Variants in PRKCZ observed in about 807,000 individuals in gnomAD.
PRKCZ encodes the protein protein kinase C zeta, also known as protein kinase C zeta type.
Under a neutral mutation model 79.5 loss-of-function variants are expected in PRKCZ, and 33 were observed. That is an observed-to-expected ratio of 0.41 (90% CI 0.31 to 0.55). PRKCZ has a LOEUF of 0.55. Ranked by LOEUF, PRKCZ falls within the 20% of genes least tolerant of loss-of-function variation. The probability of loss-of-function intolerance (pLI) is 0.19; values close to 1 mark genes in which losing one functional copy is unlikely to be tolerated. For synonymous variants in PRKCZ, 342 were observed against 320.9 expected (o/e 1.07, Z -0.70); for missense variants, 578 against 813.5 (o/e 0.71, Z 3.52).
chr1:2,171,877 C>T (rs1362791591), intron 11 of PRKCZ, among the ~76,000 whole-genome samples, 178 bp from the exon 12 acceptor site: 1 of 152,194 alleles, frequency 6.6e-6, no homozygotes, highest in Non-Finnish European at 1.5e-5. Context: ...TGTCCTGGAG[C>T]TTTCATTGGC....
At chr1:2,142,654 G>A (rs1335000252) in intron 5 of PRKCZ, 1 of 176,680 alleles carries the variant, frequency 5.7e-6, no homozygotes, top group Admixed American at 5.8e-5. Context: ...TAGGTAGCAT[G>A]TGCAGAGGAT....
chr1:2,050,526 A>G lies in PRKCZ; in HGVS notation c.-105A>G, dbSNP rs1165970376. On this transcript the variant is annotated 5_prime_UTR_variant, in exon 1 of 18. Coordinates refer to ENST00000378567, the MANE Select transcript of PRKCZ (RefSeq NM_002744.6). ...GACCGGGTCGGCGCCGTCGGTCCTG[A>G]GCGCTGCCTTCCGCGTTCCGCCGCG... The G allele has an allele frequency of 1.3e-5, 9 of 691,568 alleles. No homozygotes were observed. In the East Asian group the frequency reaches 1.6e-4, roughly 12 times the overall value. 42.8% of individuals were successfully genotyped at this position (691,568 alleles called of 1,614,324 possible). A position where few individuals can be genotyped will look rare whatever the true frequency, so the allele number is the denominator to read the frequency against.
At chr1:2,076,292 C>T (rs1425759089) in intron 4 of PRKCZ, among the ~76,000 whole-genome samples, 1 of 152,230 alleles carries the variant, frequency 6.6e-6, no homozygotes, top group African/African-American at 2.4e-5. Flanking sequence ...ACCTCCCTCA[C>T]ATGGCAGGGG....
intron 16 of PRKCZ, among the ~76,000 whole-genome samples, chr1:2,181,380 T>A (rs549466040): frequency 6.6e-6 from 1 of 152,338 alleles, no homozygotes; most frequent in African/African-American, 2.4e-5. Flanking sequence ...CCCTGTTGTA[T>A]CTCAGGTCAC....
rs867628668 is a variant in PRKCZ at position 2,123,295 on chromosome 1, A to G, written c.335-11967A>G. ...TCGTGGTGGTTAGGGTCACGGTGGT[A>G]GTTAGGGTCACGGTGGTGGTTAGGG... On this transcript the variant is annotated intron_variant, in intron 4 of 17. Coordinates refer to ENST00000378567, the MANE Select transcript of PRKCZ (RefSeq NM_002744.6). Among the ~76,000 whole-genome samples, 18 of 6,510 alleles carry G rather than the reference A, an allele frequency of 2.8e-3. 3 individuals carry two copies. Among genetic ancestry groups the G allele is most frequent in the East Asian group, 9.9e-3 (2 of 202 alleles). 4.3% of individuals were successfully genotyped at this position (6,510 alleles called of 152,430 possible).
At chr1:2,167,276 C>T (rs895293563) in intron 10 of PRKCZ, among the ~76,000 whole-genome samples, 8 of 152,268 alleles carry the variant, frequency 5.3e-5, no homozygotes, top group Non-Finnish European at 8.8e-5. Flanking sequence ...TCCGCCTCTA[C>T]CTCTCTAAGT....
chr1:2,128,937 A>G lies in PRKCZ; in HGVS notation c.335-6325A>G, dbSNP rs1232828214. Among the ~76,000 whole-genome samples the G allele has an allele frequency of 6.6e-6, 1 of 152,162 alleles. No individual in the cohort carries two copies. The highest frequency in any genetic ancestry group is 1.5e-5 in the Non-Finnish European group (1 of 68,034). ...GGGCCGTTTCCAGAGCACACTCCCC[A>G]GAAGGGCTCCCTTCTCCTTTTCACA... is the stretch of plus-strand genomic sequence containing the variant. On this transcript the variant is annotated intron_variant, in intron 4 of 17. Transcript: ENST00000378567. This position sits in a 1 kb window ranked among gnomAD's most constrained non-coding sequence, Gnocchi z 6.5.
chr1:2,130,053 C>G (rs1674655891), intron 4 of PRKCZ, among the ~76,000 whole-genome samples: 1 of 152,112 alleles, frequency 6.6e-6, no homozygotes. Flanking sequence ...TAGGTGCACG[C>G]CACCACACTC....
chr1:2,061,066 C>T (rs1571111186), intron 4 of PRKCZ, among the ~76,000 whole-genome samples: 2 of 152,346 alleles, frequency 1.3e-5, no homozygotes, highest in East Asian at 1.9e-4. Flanking sequence ...CCTGCAGCCT[C>T]ATGCTGCTGC....
intron 4 of PRKCZ, chr1:2,073,784 G>A (rs955849001): frequency 8.8e-6 from 9 of 1,017,492 alleles, no homozygotes; most frequent in Non-Finnish European, 1.1e-5. Context: ...TCTGCTCCTC[G>A]CGCTCGAGCC....
At position 2,166,639 on chromosome 1, in the gene PRKCZ, C is replaced by T. The variant is rs3753245; in HGVS notation, c.975-2879C>T. Among the ~76,000 whole-genome samples, 21 of 151,188 alleles carry T rather than the reference C, an allele frequency of 1.4e-4. No individual in the cohort carries two copies. The East Asian group carries it at 1.6e-3, about 11-fold the overall frequency. Reference sequence around the variant, plus strand: ...CCCCCTCCCCCAGGCCACGACATGGCGAGTGTGGCTACCAGGACACGGAGG... The same window carrying T: ...CCCCCTCCCCCAGGCCACGACATGGTGAGTGTGGCTACCAGGACACGGAGG... On this transcript the variant is annotated intron_variant, in intron 10 of 17. Transcript: ENST00000378567.
chr1:2,120,362 C>T (rs768996167), intron 4 of PRKCZ, among the ~76,000 whole-genome samples: 4 of 127,698 alleles, frequency 3.1e-5, no homozygotes, highest in Non-Finnish European at 4.7e-5. Flanking sequence ...TGCAATGGCG[C>T]GATCTCGACT....
At chr1:2,065,531 T>G (rs1356109726) in intron 4 of PRKCZ, among the ~76,000 whole-genome samples, 1 of 151,912 alleles carries the variant, frequency 6.6e-6, no homozygotes, top group Non-Finnish European at 1.5e-5. Flanking sequence ...TACAAAAAAT[T>G]ATCCGGGCGT....
At chr1:2,103,295 G>T (rs1350080586) in intron 4 of PRKCZ, among the ~76,000 whole-genome samples, 1 of 152,228 alleles carries the variant, frequency 6.6e-6, no homozygotes, top group Admixed American at 6.5e-5. Context: ...TAGCCCCAGT[G>T]ACTGGGAAAG....
chr1:2,144,375 C>T (rs3128303), intron 6 of PRKCZ, 34 bp downstream of exon 6: 158,571 of 1,548,508 alleles, frequency 0.1, 8,585 homozygotes, highest in South Asian at 0.12. Flanking sequence ...CCGGGGGGCA[C>T]GGGCGGGGTC....
chr1:2,102,386 G>A lies in PRKCZ; in HGVS notation c.335-32876G>A, dbSNP rs542625499. Among the ~76,000 whole-genome samples the A allele has an allele frequency of 4.2e-4, 63 of 151,436 alleles. No homozygotes were observed. In the South Asian group the frequency reaches 9.8e-3, roughly 24 times the overall value. ...CTCACTGTGCTGCCCAGGCTGGAGT[G>A]CAGTGGTGCAATCTTGGCTCACTGC... is the stretch of plus-strand genomic sequence containing the variant. On this transcript the variant is annotated intron_variant, in intron 4 of 17. Transcript: ENST00000378567.
At chr1:2,097,614 C>A (rs1433253499) in intron 4 of PRKCZ, among the ~76,000 whole-genome samples, 1 of 151,428 alleles carries the variant, frequency 6.6e-6, no homozygotes, top group Non-Finnish European at 1.5e-5. Context: ...GCCTCGCACC[C>A]AGCTGTAGAG....
chr1:2,059,653 G>A, intron 4 of PRKCZ, 62 bp downstream of exon 4: 1 of 1,602,252 alleles, frequency 6.2e-7, no homozygotes, highest in South Asian at 1.1e-5. Flanking sequence ...TTGATCCGTT[G>A]TGCCACGGAG....
rs560496668 is a variant in PRKCZ at position 2,125,599 on chromosome 1, C to T, written c.335-9663C>T. ...AAGACGTGGAGTGACTGTGGGTCCC[C>T]GTGGCCCCTGACATGCTCCCAGGGA... On this transcript the variant is annotated intron_variant, in intron 4 of 17. Transcript: ENST00000378567. This position sits in a 1 kb window ranked among gnomAD's most constrained non-coding sequence, Gnocchi z 4.2. Among the ~76,000 whole-genome samples the T allele has an allele frequency of 3.0e-4, 46 of 152,286 alleles. No individual in the cohort carries two copies. Among genetic ancestry groups the T allele is most frequent in the African/African-American group, 1.0e-3 (42 of 41,572 alleles).
Sources: allele counts gnomAD v4.1 joint callset (sites outside exome capture counted in the v4.1 genomes callset), GRCh38; gene constraint gnomAD v4.1.1; non-coding constraint Gnocchi (gnomAD v3.1); transcripts MANE v1.5; gene names NCBI Gene and HGNC (gene_info 2026-07-23, HGNC 2026-07-21).